RANBP2: variants seen among roughly 807,000 people sequenced by gnomAD.
RANBP2 encodes RAN binding protein 2.
A neutral mutation model predicts 303.6 loss-of-function variants in RANBP2; 57 were observed. The observed-to-expected ratio is 0.19, with a 90% CI of 0.15 to 0.23. RANBP2 has a LOEUF of 0.23. Among genes scored for constraint, RANBP2 ranks in the 10% least tolerant of loss-of-function variants. RANBP2 has a pLI of 1.00. For synonymous variants in RANBP2, 1,167 were observed against 1,301.5 expected (o/e 0.90, Z 2.23); for missense variants, 3,138 against 3,780.8 (o/e 0.83, Z 4.46).
At chr2:109,034,724 G>T in the RANBP2 span, among the ~76,000 whole-genome samples, 2 of 152,222 alleles carry the variant, frequency 1.3e-5, no homozygotes, top group African/African-American at 2.4e-5. Context: ...GATGAATGAG[G>T]GGGGTGGTAC....
chr2:109,548,725 G>A, the RANBP2 span, among the ~76,000 whole-genome samples: 3 of 134,362 alleles, frequency 2.2e-5, no homozygotes, highest in African/African-American at 8.1e-5. Context: ...GCAGTGAGCC[G>A]AGATAGCGCC....
the RANBP2 span, among the ~76,000 whole-genome samples, chr2:109,576,202 A>G: frequency 6.6e-6 from 1 of 152,192 alleles, no homozygotes; most frequent in Non-Finnish European, 1.5e-5. Flanking sequence ...TCAAAGCTGC[A>G]GTGAGCTGTG....
chr2:108,836,084 T>C, the RANBP2 span, among the ~76,000 whole-genome samples: 1 of 152,210 alleles, frequency 6.6e-6, no homozygotes, highest in Non-Finnish European at 1.5e-5. Context: ...TCAACACTGA[T>C]GTTTTGGGCA....
chr2:109,674,458 C>G, the RANBP2 span, among the ~76,000 whole-genome samples: 2 of 147,312 alleles, frequency 1.4e-5, no homozygotes, highest in African/African-American at 5.0e-5. Context: ...ATGGCATGTA[C>G]CTGTAGTCCC....
At chr2:109,257,480 G>C in the RANBP2 span, among the ~76,000 whole-genome samples, 1 of 152,082 alleles carries the variant, frequency 6.6e-6, no homozygotes, top group African/African-American at 2.4e-5. Context: ...GTAAATAGCA[G>C]CTGCCCTGAA....
chr2:109,182,904 T>G, the RANBP2 span, among the ~76,000 whole-genome samples: 1 of 152,332 alleles, frequency 6.6e-6, no homozygotes, highest in South Asian at 2.1e-4. Flanking sequence ...CACTCTCATA[T>G]TTCATAAAAT....
the RANBP2 span, among the ~76,000 whole-genome samples, chr2:109,066,582 C>T: frequency 6.6e-6 from 1 of 152,134 alleles, no homozygotes; most frequent in Non-Finnish European, 1.5e-5. Context: ...AGTTGGTGTC[C>T]GCTGCCCACA....
chr2:108,788,083 T>A, downstream of RANBP2: 2 of 1,600,554 alleles, frequency 1.2e-6, no homozygotes, highest in Non-Finnish European at 1.7e-6. Context: ...AACTCTAACC[T>A]CCCCAGGTAA....
the RANBP2 span, among the ~76,000 whole-genome samples, chr2:108,889,536 A>C: frequency 6.6e-6 from 1 of 151,630 alleles, no homozygotes; most frequent in Non-Finnish European, 1.5e-5. Flanking sequence ...ATCATTATAT[A>C]ATAACCTTTT....
chr2:108,939,918 G>T, the RANBP2 span, among the ~76,000 whole-genome samples: 2 of 152,186 alleles, frequency 1.3e-5, no homozygotes, highest in African/African-American at 4.8e-5. Context: ...AGTATTTGTG[G>T]TGTGATGGAG....
chr2:109,250,396 A>G, the RANBP2 span, among the ~76,000 whole-genome samples: 1 of 152,116 alleles, frequency 6.6e-6, no homozygotes, highest in Non-Finnish European at 1.5e-5. Flanking sequence ...GTAAGCTTGT[A>G]TTATATACAA....
chr2:108,976,035 A>C, the RANBP2 span, among the ~76,000 whole-genome samples: 1 of 152,212 alleles, frequency 6.6e-6, no homozygotes, highest in African/African-American at 2.4e-5. Context: ...GATGCAATAC[A>C]GTGGTCATCC....
chr2:108,821,347 G>A, the RANBP2 span, among the ~76,000 whole-genome samples: 1 of 150,468 alleles, frequency 6.6e-6, no homozygotes, highest in Non-Finnish European at 1.5e-5. Context: ...AACAGGGTGA[G>A]ACTCCGTCTC....
chr2:109,004,145 G>A, the RANBP2 span, among the ~76,000 whole-genome samples: 3 of 152,232 alleles, frequency 2.0e-5, no homozygotes, highest in Admixed American at 6.5e-5. Context: ...CAATAAGGGT[G>A]TAAGCCCAAG....
the RANBP2 span, among the ~76,000 whole-genome samples, chr2:109,093,406 T>TAAAAAAA: frequency 1.1e-5 from 1 of 90,722 alleles, no homozygotes; most frequent in Non-Finnish European, 2.2e-5. Context: ...CGGAGATTTG[T>TAAAAAAA]AAAAAAAAAA....
the RANBP2 span, among the ~76,000 whole-genome samples, chr2:109,053,490 A>G: frequency 3.3e-5 from 5 of 152,290 alleles, no homozygotes; most frequent in Middle Eastern, 0.014. Flanking sequence ...GGCAGGGCAG[A>G]CTGCTTTTCA....
chr2:109,641,902 T>A, the RANBP2 span, among the ~76,000 whole-genome samples: 3 of 152,098 alleles, frequency 2.0e-5, no homozygotes, highest in Non-Finnish European at 4.4e-5. Context: ...GCCTGCTGGG[T>A]TCAAGCCATT....
chr2:109,723,223 C>T, the RANBP2 span, among the ~76,000 whole-genome samples: 1 of 152,194 alleles, frequency 6.6e-6, no homozygotes, highest in African/African-American at 2.4e-5. Context: ...ATGATCTTGG[C>T]TCACTGCAAT....
At chr2:109,250,289 G>T in the RANBP2 span, among the ~76,000 whole-genome samples, 4 of 151,800 alleles carry the variant, frequency 2.6e-5, no homozygotes, top group Non-Finnish European at 4.4e-5. Flanking sequence ...AAGACATCTC[G>T]CCCATTGCTG....
Sources: allele counts gnomAD v4.1 joint callset (sites outside exome capture counted in the v4.1 genomes callset), GRCh38; gene constraint gnomAD v4.1.1; transcripts MANE v1.5; gene names NCBI Gene and HGNC (gene_info 2026-07-23, HGNC 2026-07-21).